DMD: variants seen among roughly 807,000 people sequenced by gnomAD.
DMD encodes the protein mutant dystrophin.
A neutral mutation model predicts 330.1 loss-of-function variants in DMD; 63 were observed. The observed-to-expected ratio is 0.19, with a 90% CI of 0.16 to 0.24. DMD has a LOEUF of 0.24. DMD is among the 10% of genes least tolerant of loss of function. DMD has a pLI of 1.00. For synonymous variants in DMD, 1,223 were observed against 959.8 expected (o/e 1.27, Z -5.07); for missense variants, 3,344 against 2,684.1 (o/e 1.25, Z -5.43).
intron 7 of DMD, among the ~76,000 whole-genome samples, chrX:32,746,322 CTA>C (rs1742475651): frequency 8.9e-6 from 1 of 111,963 alleles, no homozygotes; most frequent in Non-Finnish European, 1.9e-5. Context: ...TATATGGAAA[CTA>C]TGTTCACGTT....
chrX:31,239,669 C>G (rs957578500), intron 63 of DMD, among the ~76,000 whole-genome samples: 33 of 111,748 alleles, frequency 3.0e-4, no homozygotes, highest in Non-Finnish European at 5.8e-4. Context: ...TGACAAACAT[C>G]TGACTGGAAA....
At chrX:33,058,173 C>T (rs965194767) in intron 1 of DMD, among the ~76,000 whole-genome samples, 10 of 112,286 alleles carry the variant, frequency 8.9e-5, no homozygotes, top group African/African-American at 3.2e-4. Context: ...AGCCACCTCG[C>T]CCAGTCTATA....
chrX:32,339,318 C>T (rs749530181), intron 41 of DMD, among the ~76,000 whole-genome samples: 1 of 111,936 alleles, frequency 8.9e-6, no homozygotes, highest in Non-Finnish European at 1.9e-5. Context: ...AGTTTACAGT[C>T]CGTGCTTGGT....
chrX:32,639,521 T>A (rs755659976), intron 11 of DMD, among the ~76,000 whole-genome samples: 91 of 112,750 alleles, frequency 8.1e-4, no homozygotes, highest in African/African-American at 2.7e-3. Flanking sequence ...AGTTTTGTAA[T>A]TGACCAGTAT....
intron 1 of DMD, among the ~76,000 whole-genome samples, chrX:33,256,920 A>C (rs1049910481): frequency 1.8e-5 from 2 of 110,924 alleles, no homozygotes; most frequent in African/African-American, 6.5e-5. Flanking sequence ...TGCAACATCT[A>C]TATCTCTTCA....
At chrX:32,946,554 C>T (rs1206058920) in intron 2 of DMD, among the ~76,000 whole-genome samples, 1 of 112,091 alleles carries the variant, frequency 8.9e-6, no homozygotes, top group African/African-American at 3.2e-5. Context: ...ATCTACTAAT[C>T]ATCTTTTCCT....
chrX:31,619,078 T>C (rs1017828520), intron 55 of DMD, among the ~76,000 whole-genome samples: 2 of 111,246 alleles, frequency 1.8e-5, no homozygotes, highest in Non-Finnish European at 3.8e-5. Context: ...TAGTAACTAT[T>C]TTAAAAAGGT....
chrX:33,011,918 C>T (rs768600412), intron 2 of DMD, among the ~76,000 whole-genome samples: 1 of 111,413 alleles, frequency 9.0e-6, no homozygotes, highest in Non-Finnish European at 1.9e-5. Context: ...TTTACATATG[C>T]AAGCTAAATA....
At chrX:31,283,767 C>T (rs1031026106) in intron 62 of DMD, among the ~76,000 whole-genome samples, 4 of 111,845 alleles carry the variant, frequency 3.6e-5, no homozygotes, top group African/African-American at 1.3e-4. Context: ...ATGTTATTAA[C>T]GGCAATGCTG....
chrX:32,365,931 C>T (rs7056962), intron 34 of DMD, among the ~76,000 whole-genome samples: 19,660 of 110,749 alleles, frequency 0.18, 1,756 homozygotes, highest in African/African-American at 0.35. Context: ...ATGGGTATCT[C>T]TATTGCTGGA....
intron 7 of DMD, among the ~76,000 whole-genome samples, chrX:32,769,885 T>A (rs1488566712): frequency 9.0e-6 from 1 of 111,043 alleles, no homozygotes; most frequent in Non-Finnish European, 1.9e-5. Context: ...ACCAGCTTCA[T>A]GGAATAGTCA....
chrX:31,206,702 G>C, intron 65 of DMD, 35 bp from the exon 66 acceptor site: 1 of 1,111,045 alleles, frequency 9.0e-7, no homozygotes, highest in Non-Finnish European at 1.2e-6. Flanking sequence ...AACAATTACT[G>C]ACCCTTTCCT....
At chrX:33,094,432 C>T (rs1387387479) in intron 1 of DMD, among the ~76,000 whole-genome samples, 1 of 111,835 alleles carries the variant, frequency 8.9e-6, no homozygotes, top group African/African-American at 3.2e-5. Context: ...GAAGAAATAG[C>T]AAGGAGTAGA....
At chrX:32,837,518 A>C (rs956686510) in intron 4 of DMD, among the ~76,000 whole-genome samples, 12 of 111,657 alleles carry the variant, frequency 1.1e-4, no homozygotes, top group African/African-American at 3.9e-4. Flanking sequence ...TTGACTGCTT[A>C]GGTTTAGATG....
chrX:32,427,926 T>G (rs1267287256), intron 29 of DMD, among the ~76,000 whole-genome samples: 1 of 111,725 alleles, frequency 9.0e-6, no homozygotes, highest in Non-Finnish European at 1.9e-5. Flanking sequence ...TTCTGTATTT[T>G]AAAAATATAT....
At chrX:31,581,154 G>A (rs1318336424) in intron 55 of DMD, among the ~76,000 whole-genome samples, 1 of 111,610 alleles carries the variant, frequency 9.0e-6, no homozygotes, top group Non-Finnish European at 1.9e-5. Context: ...GGGAAGCTGC[G>A]CCTTGCTAAT....
At chrX:31,357,042 A>G (rs1347892600) in intron 60 of DMD, among the ~76,000 whole-genome samples, 1 of 110,039 alleles carries the variant, frequency 9.1e-6, no homozygotes, top group African/African-American at 3.3e-5. Context: ...CCCTTTTAAA[A>G]GTTTTCCTAA....
intron 44 of DMD, among the ~76,000 whole-genome samples, chrX:32,052,752 T>C (rs1296128088): frequency 9.0e-6 from 1 of 110,934 alleles, no homozygotes; most frequent in Non-Finnish European, 1.9e-5. Flanking sequence ...TAACATAGCA[T>C]ACTGAAGGAA....
intron 74 of DMD, among the ~76,000 whole-genome samples, chrX:31,147,896 T>A (rs2036926650): frequency 8.9e-6 from 1 of 112,085 alleles, no homozygotes; most frequent in African/African-American, 3.2e-5. Context: ...CTATCAACAC[T>A]TTGGTTTGCT....
Sources: gnomAD v4.1 joint callset for allele counts (sites outside exome capture counted in the v4.1 genomes callset) on GRCh38, gnomAD v4.1.1 for gene constraint, MANE v1.5 for transcripts, NCBI Gene and HGNC (gene_info 2026-07-23, HGNC 2026-07-21) for gene names.